Variants in HS6ST3 observed in about 807,000 individuals in gnomAD.
HS6ST3 encodes the protein heparan-sulfate 6-O-sulfotransferase 3.
HS6ST3 carries 12 observed loss-of-function variants against 36.7 expected under a neutral mutation model. The observed-to-expected ratio is 0.33, with a 90% confidence interval of 0.21 to 0.53. The LOEUF is 0.53. Among genes scored for constraint, HS6ST3 ranks in the 20% least tolerant of loss-of-function variants. The pLI is 0.95. For synonymous variants in HS6ST3, 240 were observed against 257.5 expected (o/e 0.93, Z 0.65); for missense variants, 584 against 640.9 (o/e 0.91, Z 0.96).
chr13:96,784,090 T>C (rs1469699307), intron 1 of HS6ST3, among the ~76,000 whole-genome samples: 2 of 150,954 alleles, frequency 1.3e-5, no homozygotes, highest in South Asian at 2.1e-4. Flanking sequence ...AATTCACTTC[T>C]TGCTGAGAAA....
At chr13:96,407,341 C>G (rs1431127076) in intron 1 of HS6ST3, among the ~76,000 whole-genome samples, 2 of 152,142 alleles carry the variant, frequency 1.3e-5, no homozygotes, top group Admixed American at 1.3e-4. Flanking sequence ...AAACTTGGCT[C>G]TTGGATAGAC....
At chr13:96,120,700 T>A (rs1376315720) in intron 1 of HS6ST3, among the ~76,000 whole-genome samples, 1 of 152,218 alleles carries the variant, frequency 6.6e-6, no homozygotes, top group African/African-American at 2.4e-5. Flanking sequence ...GATTTAGGCA[T>A]CTATGTCACC....
intron 1 of HS6ST3, among the ~76,000 whole-genome samples, chr13:96,430,697 C>G (rs1162580863): frequency 6.6e-6 from 1 of 152,174 alleles, no homozygotes; most frequent in Non-Finnish European, 1.5e-5. Context: ...TCCCCTGAGG[C>G]CAACTTCCCA....
rs577388099 is a variant in HS6ST3, at chr13:96,611,650, G to A, written c.708-220840G>A. ...CAGAGAAGTCCCCATCAGAGATTTG[G>A]GATTCTGAGTTATCACTGAAGGACT... On this transcript the variant is annotated intron_variant, in intron 1 of 1. Coordinates refer to ENST00000376705, the MANE Select transcript of HS6ST3 (RefSeq NM_153456.4). Among the ~76,000 whole-genome samples the A allele has an allele frequency of 3.2e-4, 48 of 152,322 alleles. 1 individual carries two copies. In the South Asian group the frequency reaches 9.1e-3, roughly 29 times the overall value.
At chr13:96,562,410 T>C (rs2056265666) in intron 1 of HS6ST3, among the ~76,000 whole-genome samples, 1 of 152,052 alleles carries the variant, frequency 6.6e-6, no homozygotes, top group African/African-American at 2.4e-5. Context: ...AACTGTTGGG[T>C]ACTATGCTCA....
At chr13:96,593,266 C>G (rs2056390018) in intron 1 of HS6ST3, among the ~76,000 whole-genome samples, 1 of 136,004 alleles carries the variant, frequency 7.4e-6, no homozygotes, top group Non-Finnish European at 1.5e-5. Flanking sequence ...TCACTGCAAC[C>G]TCTGCCTCCT....
chr13:96,159,104 A>G (rs946708031), intron 1 of HS6ST3, among the ~76,000 whole-genome samples: 1 of 152,174 alleles, frequency 6.6e-6, no homozygotes, highest in Non-Finnish European at 1.5e-5. Context: ...AGTTGGGGGT[A>G]CAGACAGAGG....
chr13:96,146,393 A>G, intron 1 of HS6ST3, among the ~76,000 whole-genome samples: 1 of 152,112 alleles, frequency 6.6e-6, no homozygotes, highest in East Asian at 1.9e-4. Flanking sequence ...TTGTATTCCT[A>G]GGTATTTTAT....
At chr13:96,526,711 C>A (rs2056115826) in intron 1 of HS6ST3, among the ~76,000 whole-genome samples, 1 of 152,152 alleles carries the variant, frequency 6.6e-6, no homozygotes. Flanking sequence ...TTATTACTAG[C>A]TAATGTTCAT....
chr13:96,188,025 G>T (rs1478923636), intron 1 of HS6ST3, among the ~76,000 whole-genome samples: 1 of 152,090 alleles, frequency 6.6e-6, no homozygotes, highest in Non-Finnish European at 1.5e-5. Flanking sequence ...ATTACCTAGG[G>T]TATACTGGTA....
At chr13:96,571,936 A>T (rs1423068972) in intron 1 of HS6ST3, among the ~76,000 whole-genome samples, 2 of 152,214 alleles carry the variant, frequency 1.3e-5, no homozygotes, top group African/African-American at 4.8e-5. Flanking sequence ...TACGTGTACC[A>T]TGCACCGTGT....
intron 1 of HS6ST3, among the ~76,000 whole-genome samples, chr13:96,516,205 G>A (rs969815625): frequency 1.3e-5 from 2 of 151,916 alleles, no homozygotes; most frequent in African/African-American, 2.4e-5. Context: ...GGGACTAGAG[G>A]CACACACCAC....
At chr13:96,770,132 T>C (rs763789231) in intron 1 of HS6ST3, among the ~76,000 whole-genome samples, 1 of 152,202 alleles carries the variant, frequency 6.6e-6, no homozygotes, top group Non-Finnish European at 1.5e-5. Context: ...TCATTAACTC[T>C]CAGCTTGTAA....
chr13:96,369,562 G>T (rs1026202933), intron 1 of HS6ST3, among the ~76,000 whole-genome samples: 1 of 152,122 alleles, frequency 6.6e-6, no homozygotes, highest in South Asian at 2.1e-4. Context: ...TCATACAAAC[G>T]TGCAGAACTT....
intron 1 of HS6ST3, among the ~76,000 whole-genome samples, chr13:96,693,954 A>G (rs943702487): frequency 2.6e-5 from 4 of 152,160 alleles, no homozygotes; most frequent in Non-Finnish European, 5.9e-5. Context: ...GAGCTTGAGC[A>G]GTCATTTCCT....
At chr13:96,502,852 T>C (rs1265427942) in intron 1 of HS6ST3, among the ~76,000 whole-genome samples, 1 of 152,122 alleles carries the variant, frequency 6.6e-6, no homozygotes, top group Non-Finnish European at 1.5e-5. Context: ...AGAACCCAAT[T>C]CCAACATCCT....
intron 1 of HS6ST3, among the ~76,000 whole-genome samples, chr13:96,678,489 A>T (rs2056706894): frequency 6.6e-6 from 1 of 152,094 alleles, no homozygotes; most frequent in African/African-American, 2.4e-5. Flanking sequence ...CCTGGCCAAG[A>T]TAGTGAAACC....
chr13:96,244,102 G>C (rs2054573838), intron 1 of HS6ST3, among the ~76,000 whole-genome samples: 1 of 151,880 alleles, frequency 6.6e-6, no homozygotes, highest in Non-Finnish European at 1.5e-5. Context: ...TTTAGCATAG[G>C]AGTTTAACCA....
intron 1 of HS6ST3, among the ~76,000 whole-genome samples, chr13:96,116,667 A>G (rs1489903457): frequency 6.6e-6 from 1 of 152,200 alleles, no homozygotes; most frequent in Non-Finnish European, 1.5e-5. Flanking sequence ...GAACTTTCAG[A>G]TACCTGATAG....
Sources: allele counts gnomAD v4.1 joint callset (sites outside exome capture counted in the v4.1 genomes callset), GRCh38; gene constraint gnomAD v4.1.1; transcripts MANE v1.5; gene names NCBI Gene and HGNC (gene_info 2026-07-23, HGNC 2026-07-21).